Variants in OR5A1 observed in about 807,000 individuals in gnomAD.
OR5A1 encodes the protein olfactory receptor 5A1.
In OR5A1, 6 loss-of-function variants were observed where a neutral mutation model predicts 6.7. The ratio of observed to expected loss-of-function variants is 0.89; its 90% confidence interval spans 0.49 to 1.76. The LOEUF is 1.76. OR5A1 is among the 40% of genes most tolerant of loss of function. OR5A1 has a pLI of 0.01. For missense variants in OR5A1, 378 were observed against 381.7 expected, an observed-to-expected ratio of 0.99 and a Z score of 0.08; for synonymous variants, 170 against 155.0, an observed-to-expected ratio of 1.10 and a Z score of -0.72.
chr11:59,439,386 C>G (rs920277964), intron 1 of OR5A1, among the ~76,000 whole-genome samples: 3 of 152,190 alleles, frequency 2.0e-5, no homozygotes, highest in Admixed American at 2.0e-4. Flanking sequence ...CTCTCAGACT[C>G]TTCCTCTTCA....
At chr11:59,443,071 C>G (rs1858498486) in intron 1 of OR5A1, 65 bp from the exon 2 acceptor site, 1 of 842,000 alleles carries the variant, frequency 1.2e-6, no homozygotes, top group African/African-American at 1.7e-5. Context: ...TCTGCCCTCC[C>G]TCTCAGGCAT....
intron 1 of OR5A1, among the ~76,000 whole-genome samples, chr11:59,440,576 C>T (rs898540968): frequency 9.9e-5 from 15 of 152,200 alleles, no homozygotes; most frequent in African/African-American, 3.6e-4. Context: ...GACCCTGAAT[C>T]ATAACACAGA....
In OR5A1 at chr11:59,436,648, A is replaced by G. The variant is rs1590610963; in HGVS notation, c.-221A>G. The G allele has an allele frequency of 6.6e-6, 1 of 152,184 alleles. No homozygotes were observed. The highest frequency in any genetic ancestry group is 1.5e-5 in the Non-Finnish European group (1 of 68,062). 9.4% of individuals were successfully genotyped at this position (152,184 alleles called of 1,614,324 possible). On this transcript the variant is annotated 5_prime_UTR_variant, in exon 1 of 2. Transcript: ENST00000641045. ...TCTTTTTCTTCCTTTACTCTGCCCC[A>G]AAGCACACCTTCTATGCACCAAGAG...
At position 59,443,557 on chromosome 11, in the gene OR5A1, C is replaced by G; in HGVS notation, c.389C>G (p.Ser130Cys). The G allele has an allele frequency of 6.2e-7, 1 of 1,614,088 alleles. No individual in the cohort carries two copies. The highest frequency in any genetic ancestry group is 2.2e-5 in the East Asian group (1 of 44,882). Reference sequence around the variant, plus strand: ...GCATACGACCGATATGCAGCCATCTCCAGCCCCCTTCTCTACCCCACTATC... The same window carrying G: ...GCATACGACCGATATGCAGCCATCTGCAGCCCCCTTCTCTACCCCACTATC... ...AMAYDRYAAISSPLLYPTIMT... is the reference protein window; with the variant it reads ...AMAYDRYAAICSPLLYPTIMT... Residue 130 changes from serine to cysteine, a missense_variant, in exon 2 of 2, where the codon TCC (serine) becomes TGC (cysteine). Coordinates refer to ENST00000641045, the MANE Select transcript of OR5A1 (RefSeq NM_001004728.2).
intron 1 of OR5A1, among the ~76,000 whole-genome samples, chr11:59,442,311 G>A (rs893051977): frequency 4.6e-5 from 7 of 152,210 alleles, no homozygotes; most frequent in African/African-American, 1.4e-4. Flanking sequence ...TCGCGGTGGC[G>A]TATGCCTGTA....
rs1858565909 is a variant in OR5A1, at chr11:59,447,579, GGA to G, written c.*3468_*3469del. On this transcript the variant is annotated 3_prime_UTR_variant, in exon 2 of 2. Coordinates refer to ENST00000641045, the MANE Select transcript of OR5A1 (RefSeq NM_001004728.2). ...GGAAATTCAAGAAAGAATATGAGAA[GGA>G]GAGATTGTCTGATCCTCACCCCTAT... 6.6e-6 allele frequency: 1 copy of G among 152,160 alleles called. No homozygotes were observed. The highest frequency in any genetic ancestry group is 1.5e-5 in the Non-Finnish European group (1 of 68,042). 9.4% of individuals were successfully genotyped at this position (152,160 alleles called of 1,614,324 possible). A position where few individuals can be genotyped will look rare whatever the true frequency, so the allele number is the denominator to read the frequency against.
rs749388877 is a variant in OR5A1, at chr11:59,443,341, T to C, written c.173T>C (p.Leu58Pro). 1 of 1,613,906 alleles carries C rather than the reference T, an allele frequency of 6.2e-7. No individual in the cohort carries two copies. Among genetic ancestry groups the C allele is most frequent in the South Asian group, 1.1e-5 (1 of 91,084 alleles). Residue 58 changes from leucine to proline, a missense_variant, in exon 2 of 2, where the codon CTG (leucine) becomes CCG (proline). Leu to Pro is a moderately conservative substitution (Grantham distance 98). Transcript: ENST00000641045. ...LIFLIRGDTH[L>P]HTPMYFFLSN... ...TTTCTGATCAGAGGTGACACCCATC[T>C]GCACACACCCATGTACTTCTTCCTA... is the stretch of plus-strand genomic sequence containing the variant.
rs1463101369 is a variant in OR5A1, at chr11:59,443,618, G to A, written c.450G>A (p.Gly150=). The stretch of plus-strand genomic sequence containing the variant: ...GCCTCTGTACACGCATGGTGGTTGG[G>A]GCATATGTTGGTGGCTTCCTGAGCT... The part of the protein sequence containing the change: ...TQGLCTRMVV[G]AYVGGFLSSL... The change falls in exon 2 of 2, where the codon GGG becomes GGA. Residue 150 remains glycine, a synonymous_variant. Coordinates refer to ENST00000641045, the MANE Select transcript of OR5A1 (RefSeq NM_001004728.2). 1.2e-6 allele frequency: 2 copies of A among 1,613,846 alleles called. No homozygotes were observed. Among genetic ancestry groups the A allele is most frequent in the African/African-American group, 1.3e-5 (1 of 74,824 alleles).
At chr11:59,437,857 G>A (rs1281329553) in intron 1 of OR5A1, among the ~76,000 whole-genome samples, 3 of 152,162 alleles carry the variant, frequency 2.0e-5, no homozygotes, top group Non-Finnish European at 4.4e-5. Flanking sequence ...TAGTTTGAGT[G>A]TTTCTTCCCT....
In OR5A1 at chr11:59,447,839, G is replaced by A. The variant is rs1858570203; in HGVS notation, c.*3723G>A. On this transcript the variant is annotated 3_prime_UTR_variant, in exon 2 of 2. Transcript: ENST00000641045. ...GCCCTGTTGCACTAATTGCGTAGAT[G>A]AGAGAAAATCAGACTACATGCTCCC... 2 of 152,130 alleles carry A rather than the reference G, an allele frequency of 1.3e-5. No individual in the cohort carries two copies. Among genetic ancestry groups the A allele is most frequent in the Admixed American group, 1.3e-4 (2 of 15,268 alleles). The allele number at this position is 152,130 out of a possible 1,614,324, so 9.4% of individuals were successfully genotyped here.
rs1222137502 is a variant in OR5A1 at position 59,444,386 on chromosome 11, C to G, written c.*270C>G. 3.6e-6 allele frequency: 1 copy of G among 275,590 alleles called. No homozygotes were observed. Among genetic ancestry groups the G allele is most frequent in the Admixed American group, 4.6e-5 (1 of 21,798 alleles). The allele number at this position is 275,590 out of a possible 1,614,324, so 17.1% of individuals were successfully genotyped here. A position where few individuals can be genotyped will look rare whatever the true frequency, so the allele number is the denominator to read the frequency against. The stretch of plus-strand genomic sequence containing the variant: ...TTTTCACAATAATCACAATAACTAG[C>G]CTTTATTGGGCCCTTAGTATGTACC... On this transcript the variant is annotated 3_prime_UTR_variant, in exon 2 of 2. Transcript: ENST00000641045.
chr11:59,438,889 T>C (rs1277988851), intron 1 of OR5A1, among the ~76,000 whole-genome samples: 1 of 152,214 alleles, frequency 6.6e-6, no homozygotes, highest in Non-Finnish European at 1.5e-5. Flanking sequence ...TTTAGCATTG[T>C]CACCTTACAT....
At chr11:59,439,550 C>T (rs994663576) in intron 1 of OR5A1, among the ~76,000 whole-genome samples, 2 of 152,182 alleles carry the variant, frequency 1.3e-5, no homozygotes, top group African/African-American at 4.8e-5. Context: ...GAGTTCCATG[C>T]CATAAAGCAC....
In OR5A1 at chr11:59,443,593, G is replaced by A. The variant is rs767311618; in HGVS notation, c.425G>A (p.Gly142Asp). Reference sequence around the variant, plus strand: ...CTCTACCCCACTATCATGACCCAGGGCCTCTGTACACGCATGGTGGTTGGG... The same window carrying A: ...CTCTACCCCACTATCATGACCCAGGACCTCTGTACACGCATGGTGGTTGGG... ...PLLYPTIMTQ[G>D]LCTRMVVGAY... Residue 142 changes from glycine (G) to aspartate (D), a missense_variant, in exon 2 of 2, where the codon GGC (glycine) becomes GAC (aspartate). Transcript: ENST00000641045. The A allele has an allele frequency of 9.5e-5, 154 of 1,613,848 alleles. No individual in the cohort carries two copies. Among genetic ancestry groups the A allele is most frequent in the East Asian group, 4.5e-4 (20 of 44,882 alleles).
At chr11:59,442,462 GAAAT>G (rs1041561455) in intron 1 of OR5A1, among the ~76,000 whole-genome samples, 2 of 151,704 alleles carry the variant, frequency 1.3e-5, no homozygotes, top group African/African-American at 2.4e-5. Flanking sequence ...TAAAAAATAA[GAAAT>G]AAATAAATAA....
In OR5A1 at chr11:59,436,727, A is replaced by C. The variant is rs1858420157; in HGVS notation, c.-142A>C. On this transcript the variant is annotated 5_prime_UTR_variant, in exon 1 of 2. An upstream open reading frame in the 5' UTR loses its in-frame stop. Coordinates refer to ENST00000641045, the MANE Select transcript of OR5A1 (RefSeq NM_001004728.2). ...GCCGCAAGCTCTCTCCAAACTCATT[A>C]GCACTTTGGTAATTGGAAGCAGCCA... 1 of 152,198 alleles carries C rather than the reference A, an allele frequency of 6.6e-6. No individual in the cohort carries two copies. The highest frequency in any genetic ancestry group is 6.6e-5 in the Admixed American group (1 of 15,262). 9.4% of individuals were successfully genotyped at this position (152,198 alleles called of 1,614,324 possible). A position where few individuals can be genotyped will look rare whatever the true frequency, so the allele number is the denominator to read the frequency against.
chr11:59,444,242 A>G lies in OR5A1; in HGVS notation c.*126A>G. On this transcript the variant is annotated 3_prime_UTR_variant, in exon 2 of 2. Transcript: ENST00000641045. ...CATTTGTGGAGACTCTTCCCTCCAGATTCCTCTCACCCTTCCTCATGGTCA... is the reference window on the plus strand; with the variant it reads ...CATTTGTGGAGACTCTTCCCTCCAGGTTCCTCTCACCCTTCCTCATGGTCA... The G allele has an allele frequency of 4.0e-6, 2 of 497,260 alleles. No individual in the cohort carries two copies. The highest frequency in any genetic ancestry group is 4.1e-5 in the East Asian group (1 of 24,142). 30.8% of individuals were successfully genotyped at this position (497,260 alleles called of 1,614,324 possible).
rs1858521188 is a variant in OR5A1 at position 59,444,199 on chromosome 11, G to T, written c.*83G>T. On this transcript the variant is annotated 3_prime_UTR_variant, in exon 2 of 2. Coordinates refer to ENST00000641045, the MANE Select transcript of OR5A1 (RefSeq NM_001004728.2). The stretch of plus-strand genomic sequence containing the variant: ...CACCTCCACCTCTGCCTCAGGCAAG[G>T]GAGATATTTGGTGCTCTCATTTGTG... The T allele has an allele frequency of 1.1e-6, 1 of 894,140 alleles. No individual in the cohort carries two copies. The highest frequency in any genetic ancestry group is 1.7e-5 in the African/African-American group (1 of 60,400). The allele number at this position is 894,140 out of a possible 1,614,324, so 55.4% of individuals were successfully genotyped here. A position where few individuals can be genotyped will look rare whatever the true frequency, so the allele number is the denominator to read the frequency against.
rs1219607479 is a variant in OR5A1 at position 59,444,259 on chromosome 11, T to C, written c.*143T>C. ...CCCTCCAGATTCCTCTCACCCTTCC[T>C]CATGGTCACTTGTCTACTGACTGTG... On this transcript the variant is annotated 3_prime_UTR_variant, in exon 2 of 2. Coordinates refer to ENST00000641045, the MANE Select transcript of OR5A1 (RefSeq NM_001004728.2). The C allele has an allele frequency of 6.3e-6, 3 of 477,026 alleles. No homozygotes were observed. Among genetic ancestry groups the C allele is most frequent in the Non-Finnish European group, 1.1e-5 (3 of 266,584 alleles). The allele number at this position is 477,026 out of a possible 1,614,324, so 29.5% of individuals were successfully genotyped here. A position where few individuals can be genotyped will look rare whatever the true frequency, so the allele number is the denominator to read the frequency against.
Sources: gnomAD v4.1 joint callset for allele counts (sites outside exome capture counted in the v4.1 genomes callset) on GRCh38, gnomAD v4.1.1 for gene constraint, MANE v1.5 for transcripts, NCBI Gene and HGNC (gene_info 2026-07-23, HGNC 2026-07-21) for gene names.